The following ERICH1 variants were observed in gnomAD, a reference collection of about 807,000 sequenced individuals.
ERICH1 encodes glutamate-rich protein 1.
In ERICH1, 56 loss-of-function variants were observed where a neutral mutation model predicts 39.6. The ratio of observed to expected loss-of-function variants is 1.41; its 90% CI spans 1.14 to 1.77. The LOEUF (loss-of-function observed/expected upper bound fraction) is 1.77, where lower values mean the gene tolerates loss of function less well. ERICH1 is among the 40% of genes most tolerant of loss of function. The pLI, the probability that ERICH1 is intolerant of heterozygous loss-of-function variation, is 0.00. For missense variants in ERICH1, 826 were observed against 575.4 expected (o/e 1.44, Z -4.45); for synonymous variants, 313 against 223.6 (o/e 1.40, Z -3.57).
Position 664,589 on chromosome 8 carries a change from A to G in ERICH1, c.*14T>C. The G allele has an allele frequency of 5.6e-6, 9 of 1,601,886 alleles. No homozygotes were observed. The highest frequency in any genetic ancestry group is 6.8e-6 in the Non-Finnish European group (8 of 1,175,612). On this transcript the variant is annotated 3_prime_UTR_variant, in exon 6 of 6. Coordinates refer to ENST00000262109, the MANE Select transcript of ERICH1 (RefSeq NM_207332.3). ...TTTGTTAAAGAGGAGCTGTTCTTAA[A>G]GAGATATTCCATTTTAGTCACTGCT...
At chr8:700,060 C>G (rs1296905110) in intron 2 of ERICH1, among the ~76,000 whole-genome samples, 3 of 142,666 alleles carry the variant, frequency 2.1e-5, no homozygotes, top group Non-Finnish European at 4.6e-5. Context: ...CACACGCGCA[C>G]AGGCCCTCAC....
chr8:701,881 G>A (rs1373675353), intron 2 of ERICH1, among the ~76,000 whole-genome samples: 1 of 151,952 alleles, frequency 6.6e-6, no homozygotes, highest in Non-Finnish European at 1.5e-5. Flanking sequence ...CAAGAGGTCA[G>A]GAGTTCAAGA....
intron 2 of ERICH1, among the ~76,000 whole-genome samples, chr8:693,710 T>C (rs530391109): frequency 6.6e-6 from 1 of 152,078 alleles, no homozygotes; most frequent in East Asian, 1.9e-4. Flanking sequence ...ATCACCACCG[T>C]GGACGGCGGC....
chr8:650,465 G>C (rs1231995170), intron 3 of ERICH1, among the ~76,000 whole-genome samples: 1 of 152,184 alleles, frequency 6.6e-6, no homozygotes, highest in Non-Finnish European at 1.5e-5. Context: ...TACCGTCCTC[G>C]GCAGGGCACT....
intron 3 of ERICH1, among the ~76,000 whole-genome samples, chr8:679,653 C>G (rs975831029): frequency 2.0e-5 from 3 of 152,220 alleles, no homozygotes; most frequent in Non-Finnish European, 4.4e-5. Context: ...AGGAAGAAAT[C>G]TAAATCGGAT....
At chr8:656,339 C>T (rs1800662634) in intron 3 of ERICH1, among the ~76,000 whole-genome samples, 1 of 152,200 alleles carries the variant, frequency 6.6e-6, no homozygotes, top group Non-Finnish European at 1.5e-5. Flanking sequence ...TCGGGACTCT[C>T]CCCTTCCCCA....
In ERICH1 at chr8:698,533, T is replaced by C. The variant is rs148272681; in HGVS notation, c.170-5921A>G. ...CGTGCCCGGCCCTGAATTACATTCCTGCCAGCAATTTATGAGTATTCATTT... is the reference window on the plus strand; with the variant it reads ...CGTGCCCGGCCCTGAATTACATTCCCGCCAGCAATTTATGAGTATTCATTT... On this transcript the variant is annotated intron_variant, in intron 2 of 5. Transcript: ENST00000262109. 9.0e-3 allele frequency among the ~76,000 whole-genome samples: 1,363 copies of C among 152,260 alleles called. 15 individuals carry two copies. Among genetic ancestry groups the C allele is most frequent in the African/African-American group, 0.029 (1,203 of 41,538 alleles).
At chr8:663,829 A>G (rs1703926), downstream of ERICH1, among the ~76,000 whole-genome samples, 3,545 of 151,478 alleles carry the variant, frequency 0.023, 131 homozygotes, top group African/African-American at 0.078. Flanking sequence ...GTGCGATCTC[A>G]GCTCACTGCA....
At chr8:710,428 G>A (rs191270634) in intron 2 of ERICH1, among the ~76,000 whole-genome samples, 86 of 147,816 alleles carry the variant, frequency 5.8e-4, no homozygotes, top group Admixed American at 2.3e-3. Context: ...CCTTGGCATC[G>A]TACGGGGCGG....
At chr8:717,337 G>C (rs1390871401) in intron 1 of ERICH1, among the ~76,000 whole-genome samples, 2 of 152,168 alleles carry the variant, frequency 1.3e-5, no homozygotes, top group Non-Finnish European at 2.9e-5. Flanking sequence ...TGCTGGCTGT[G>C]GTGAGCGGGT....
intron 2 of ERICH1, among the ~76,000 whole-genome samples, chr8:701,073 GA>G (rs1232460697): frequency 2.0e-5 from 3 of 150,808 alleles, no homozygotes; most frequent in Non-Finnish European, 1.5e-5. Flanking sequence ...ACATTTTCAA[GA>G]TTTTTTTTGC....
At chr8:690,275 T>C (rs1808604744) in intron 3 of ERICH1, among the ~76,000 whole-genome samples, 2 of 152,328 alleles carry the variant, frequency 1.3e-5, no homozygotes, top group Middle Eastern at 3.4e-3. Flanking sequence ...CATTCAGAGA[T>C]TACCCAAAGA....
intron 1 of ERICH1, 44 bp from the exon 2 acceptor site, chr8:716,051 A>G (rs1338903493): frequency 6.4e-7 from 1 of 1,556,656 alleles, no homozygotes; most frequent in Non-Finnish European, 8.7e-7. Flanking sequence ...AAAGGAATGA[A>G]TTATGCAGTT....
chr8:687,481 G>A (rs1807696431), intron 3 of ERICH1, among the ~76,000 whole-genome samples: 1 of 152,362 alleles, frequency 6.6e-6, no homozygotes, highest in African/African-American at 2.4e-5. Flanking sequence ...TAAGCGTGTG[G>A]GTCCAGACTG....
chr8:625,306 A>G (rs1460308220), intron 3 of ERICH1, among the ~76,000 whole-genome samples: 2 of 152,262 alleles, frequency 1.3e-5, no homozygotes, highest in African/African-American at 4.8e-5. Context: ...AAAGGAAAGC[A>G]GTGGTTTATG....
intron 4 of ERICH1, among the ~76,000 whole-genome samples, chr8:670,390 G>A (rs1220488012): frequency 1.3e-5 from 2 of 152,076 alleles, no homozygotes; most frequent in African/African-American, 4.8e-5. Flanking sequence ...CCGGTAAACT[G>A]TTGCTGAACG....
exon 4 of ERICH1, chr8:615,033 G>C (rs1796842861): frequency 2.2e-6 from 1 of 459,164 alleles, no homozygotes. Flanking sequence ...CCTTGGAGCA[G>C]ACGTGGCTAC....
chr8:709,898 T>C (rs1443596247), intron 2 of ERICH1, among the ~76,000 whole-genome samples: 1 of 152,154 alleles, frequency 6.6e-6, no homozygotes, highest in Non-Finnish European at 1.5e-5. Flanking sequence ...ATGTTACTGG[T>C]AAACAATCAC....
At chr8:627,998 C>T (rs552161590) in intron 3 of ERICH1, among the ~76,000 whole-genome samples, 4 of 152,298 alleles carry the variant, frequency 2.6e-5, no homozygotes, top group Admixed American at 2.6e-4. Context: ...GCTCAAGGGG[C>T]AGCAGCAGGG....
Sources: allele counts gnomAD v4.1 joint callset (sites outside exome capture counted in the v4.1 genomes callset), GRCh38; gene constraint gnomAD v4.1.1; transcripts MANE v1.5; gene names NCBI Gene and HGNC (gene_info 2026-07-23, HGNC 2026-07-21).